Variants in PCDH11Y observed in about 807,000 individuals in gnomAD.
PCDH11Y encodes the protein protocadherin 11 Y-linked, also known as protocadherin-11 Y-linked.
For missense variants in PCDH11Y, 12 were observed against 224.8 expected (o/e 0.05, Z 6.05); for synonymous variants, 9 against 83.6 (o/e 0.11, Z 4.87).
At chrY:5,679,864 T>C in intron 4 of PCDH11Y, among the ~76,000 whole-genome samples, 1 of 32,707 alleles carries the variant, frequency 3.1e-5, no homozygotes, top group Middle Eastern at 0.014. Context: ...GCAGTGGTTA[T>C]GGCCACAGGG....
chrY:5,285,917 T>C, intron 2 of PCDH11Y, among the ~76,000 whole-genome samples: 8 of 33,964 alleles, frequency 2.4e-4, no homozygotes, highest in Non-Finnish European at 4.4e-4. Flanking sequence ...TAATTAGCTC[T>C]CATGTGTCAA....
At chrY:5,013,911 G>A (rs2052556797) in intron 1 of PCDH11Y, among the ~76,000 whole-genome samples, 1 of 29,630 alleles carries the variant, frequency 3.4e-5, no homozygotes, top group Non-Finnish European at 8.1e-5. Context: ...TTTGAAACAG[G>A]TAAACTAAAA....
intron 2 of PCDH11Y, among the ~76,000 whole-genome samples, chrY:5,432,601 CT>C (rs2053269877): frequency 6.7e-5 from 2 of 29,950 alleles, no homozygotes; most frequent in African/African-American, 1.3e-4. Context: ...AAAGCTCAGA[CT>C]TTTTTTTTTA....
chrY:5,226,991 A>AC (rs2052961552), intron 2 of PCDH11Y, among the ~76,000 whole-genome samples: 1 of 31,376 alleles, frequency 3.2e-5, no homozygotes. Context: ...TGTCATTGGT[A>AC]TTTTGATAGG....
At chrY:5,272,299 G>C in intron 2 of PCDH11Y, among the ~76,000 whole-genome samples, 1 of 30,296 alleles carries the variant, frequency 3.3e-5, no homozygotes, top group Non-Finnish European at 7.9e-5. Flanking sequence ...TCAGAAATTT[G>C]AAATCCATTG....
At chrY:5,436,052 A>G (rs2124681174) in intron 2 of PCDH11Y, among the ~76,000 whole-genome samples, 2 of 34,043 alleles carry the variant, frequency 5.9e-5, no homozygotes, top group East Asian at 1.5e-3. Context: ...ACTATATTAC[A>G]TGCAGCTTTC....
intron 1 of PCDH11Y, among the ~76,000 whole-genome samples, chrY:5,023,836 T>C: frequency 3.0e-5 from 1 of 32,977 alleles, no homozygotes; most frequent in African/African-American, 1.2e-4. Flanking sequence ...CCACCACACA[T>C]TGTCTTGTCT....
intron 3 of PCDH11Y, among the ~76,000 whole-genome samples, chrY:5,564,540 A>T: frequency 9.6e-5 from 3 of 31,276 alleles, no homozygotes; most frequent in Non-Finnish European, 7.8e-5. Flanking sequence ...AGAGTAGGAC[A>T]TCCAATTGTG....
intron 2 of PCDH11Y, among the ~76,000 whole-genome samples, chrY:5,378,160 G>A (rs1602915218): frequency 2.2e-4 from 7 of 31,961 alleles, no homozygotes; most frequent in Non-Finnish European, 4.6e-4. Context: ...CCTACAGGAG[G>A]ATGCATCTGT....
chrY:5,230,811 T>G, intron 2 of PCDH11Y, among the ~76,000 whole-genome samples: 1 of 31,861 alleles, frequency 3.1e-5, no homozygotes, highest in Non-Finnish European at 7.6e-5. Flanking sequence ...TTCTTGATCC[T>G]ATAGGTGTGC....
At chrY:5,563,310 G>A in intron 3 of PCDH11Y, among the ~76,000 whole-genome samples, 1 of 32,840 alleles carries the variant, frequency 3.0e-5, no homozygotes, top group African/African-American at 1.2e-4. Flanking sequence ...TAACAGGAAT[G>A]AAAATAGTAT....
intron 2 of PCDH11Y, among the ~76,000 whole-genome samples, chrY:5,125,745 A>ATGTGTG (rs755669346): frequency 3.1e-5 from 1 of 31,919 alleles, no homozygotes; most frequent in Non-Finnish European, 7.8e-5. Flanking sequence ...CTCTATGTGC[A>ATGTGTG]TGTGTGTGTG....
At chrY:5,169,598 C>G in intron 2 of PCDH11Y, among the ~76,000 whole-genome samples, 1 of 31,570 alleles carries the variant, frequency 3.2e-5, no homozygotes, top group Non-Finnish European at 7.8e-5. Flanking sequence ...CGTGGTGAAA[C>G]GGAATACTCA....
At chrY:5,450,274 T>C in intron 2 of PCDH11Y, among the ~76,000 whole-genome samples, 1 of 33,477 alleles carries the variant, frequency 3.0e-5, no homozygotes, top group Non-Finnish European at 7.4e-5. Flanking sequence ...CATATAAATA[T>C]GTCAAAATTA....
At chrY:5,583,578 A>G in intron 4 of PCDH11Y, among the ~76,000 whole-genome samples, 2 of 31,979 alleles carry the variant, frequency 6.3e-5, no homozygotes, top group Non-Finnish European at 1.5e-4. Context: ...ATTGTAGAGA[A>G]TTTCACTTCC....
At chrY:5,415,330 A>G (rs2053252130) in intron 2 of PCDH11Y, among the ~76,000 whole-genome samples, 37 of 32,216 alleles carry the variant, frequency 1.1e-3, no homozygotes, top group African/African-American at 4.2e-3. Flanking sequence ...CAGCAAAACA[A>G]TGAGAGTGTG....
At chrY:5,028,813 C>A in intron 1 of PCDH11Y, among the ~76,000 whole-genome samples, 1 of 32,353 alleles carries the variant, frequency 3.1e-5, no homozygotes. Context: ...CAGGAAGAAT[C>A]AATAACTAAG....
chrY:5,384,229 C>G, intron 2 of PCDH11Y, among the ~76,000 whole-genome samples: 1 of 32,214 alleles, frequency 3.1e-5, no homozygotes, highest in South Asian at 6.9e-4. Flanking sequence ...ATCTCTCAGT[C>G]TGCTGTATTT....
chrY:5,589,538 A>G (rs2053458763), intron 4 of PCDH11Y, among the ~76,000 whole-genome samples: 1 of 33,529 alleles, frequency 3.0e-5, no homozygotes, highest in Non-Finnish European at 7.4e-5. Flanking sequence ...CAGCACCAGA[A>G]TTTTTACTTG....
Sources: gnomAD v4.1 joint callset for allele counts (sites outside exome capture counted in the v4.1 genomes callset) on GRCh38, gnomAD v4.1.1 for gene constraint, MANE v1.5 for transcripts, NCBI Gene and HGNC (gene_info 2026-07-23, HGNC 2026-07-21) for gene names.